EFCAB13: variants seen among roughly 807,000 people sequenced by gnomAD.
The protein encoded by EFCAB13 is EF-hand calcium-binding domain-containing protein 13.
EFCAB13 carries 91 observed loss-of-function variants against 110.2 expected under a neutral mutation model. The ratio of observed to expected loss-of-function variants is 0.83; its 90% CI spans 0.70 to 0.98. The LOEUF (loss-of-function observed/expected upper bound fraction) is 0.98. Among genes scored for constraint, EFCAB13 ranks in the 50% least tolerant of loss-of-function variants. The pLI is 0.00. For synonymous variants in EFCAB13, 323 were observed against 369.9 expected (o/e 0.87, Z 1.45); for missense variants, 968 against 1,119.4 (o/e 0.86, Z 1.93).
chr17:47,435,117 A>G (rs4338849), intron 24 of EFCAB13, among the ~76,000 whole-genome samples: 69,542 of 151,906 alleles, frequency 0.46, 16,265 homozygotes, highest in Non-Finnish European at 0.49. Flanking sequence ...ATGAGAGAAA[A>G]TATTCACAAA....
At chr17:47,335,399 T>C (rs1199214659) in intron 5 of EFCAB13, 43 bp downstream of exon 5, 1 of 1,521,458 alleles carries the variant, frequency 6.6e-7, no homozygotes. Context: ...ATTATACTTT[T>C]GCAAGTTAAG....
intron 13 of EFCAB13, among the ~76,000 whole-genome samples, chr17:47,378,681 C>A (rs1441618986): frequency 6.6e-6 from 1 of 152,032 alleles, no homozygotes; most frequent in East Asian, 1.9e-4. Flanking sequence ...GGGTTTATAT[C>A]TAAAAATAGG....
chr17:47,436,055 G>C (rs1372599794), intron 24 of EFCAB13, among the ~76,000 whole-genome samples: 3 of 152,092 alleles, frequency 2.0e-5, no homozygotes, highest in Non-Finnish European at 4.4e-5. Context: ...CTTTTAATCT[G>C]TTTATGTGGT....
chr17:47,348,070 G>C (rs566878506), intron 9 of EFCAB13, 119 bp downstream of exon 9: 15 of 803,078 alleles, frequency 1.9e-5, no homozygotes, highest in Middle Eastern at 4.2e-4. Flanking sequence ...CATCATTTTT[G>C]GTCATATTGT....
intron 14 of EFCAB13, among the ~76,000 whole-genome samples, chr17:47,386,473 T>C (rs2317675): frequency 0.088 from 13,353 of 152,170 alleles, 845 homozygotes; most frequent in East Asian, 0.35. Context: ...TAATGGCAGA[T>C]GCCCTTCCCC....
intron 2 of EFCAB13, among the ~76,000 whole-genome samples, chr17:47,325,929 T>C (rs1324273514): frequency 2.8e-5 from 1 of 35,764 alleles, no homozygotes; most frequent in African/African-American, 8.3e-5. Context: ...ACAAAATATA[T>C]ATATATATAT....
intron 24 of EFCAB13, among the ~76,000 whole-genome samples, chr17:47,436,334 C>T (rs1477284373): frequency 3.9e-5 from 6 of 151,974 alleles, no homozygotes; most frequent in Non-Finnish European, 7.4e-5. Context: ...TGTGGAATAG[C>T]GTCAAAAGGG....
chr17:47,415,997 C>A (rs183825987), intron 23 of EFCAB13, among the ~76,000 whole-genome samples: 9 of 152,188 alleles, frequency 5.9e-5, no homozygotes, highest in Admixed American at 4.6e-4. Flanking sequence ...GATGCAGATA[C>A]CCTTATCAAT....
intron 23 of EFCAB13, among the ~76,000 whole-genome samples, chr17:47,420,990 A>AG (rs1311828021): frequency 1.5e-5 from 2 of 137,736 alleles, no homozygotes; most frequent in Non-Finnish European, 3.1e-5. Context: ...GAGGGAGGTG[A>AG]GGGGGTCAGC....
chr17:47,332,479 T>C (rs900758988), intron 4 of EFCAB13, among the ~76,000 whole-genome samples: 14 of 152,110 alleles, frequency 9.2e-5, no homozygotes, highest in Admixed American at 7.9e-4. Flanking sequence ...ACCAATGCAT[T>C]AGATCACTAA....
At chr17:47,355,235 C>G (rs2065473672) in intron 9 of EFCAB13, among the ~76,000 whole-genome samples, 1 of 152,212 alleles carries the variant, frequency 6.6e-6, no homozygotes, top group African/African-American at 2.4e-5. Context: ...AGGGTTTCTG[C>G]TGAGAAATCT....
chr17:47,344,126 C>G, intron 6 of EFCAB13, 36 bp from the exon 7 acceptor site: 1 of 1,592,926 alleles, frequency 6.3e-7, no homozygotes. Flanking sequence ...CAGTGTCACT[C>G]ACCTCAGGCA....
Position 47,344,217 on chromosome 17 carries a change from CTT to C in EFCAB13, c.361_362del (p.Leu121MetfsTer31), listed in dbSNP as rs1793567411. On this transcript the variant is annotated frameshift_variant, in exon 7 of 25. Transcript: ENST00000331493. LOFTEE classifies it high-confidence loss of function. ...GAGAAGGTGACAAGGAAAGAAAACTCTTTATGCAAGTTGCCGAATCAGTACAG... is the reference window on the plus strand; with the variant it reads ...GAGAAGGTGACAAGGAAAGAAAACTCTATGCAAGTTGCCGAATCAGTACAG... The C allele has an allele frequency of 7.4e-6, 12 of 1,613,236 alleles. No homozygotes were observed. The highest frequency in any genetic ancestry group is 9.3e-6 in the Non-Finnish European group (11 of 1,179,408).
chr17:47,419,522 G>A (rs992795701), intron 23 of EFCAB13, among the ~76,000 whole-genome samples: 1 of 152,206 alleles, frequency 6.6e-6, no homozygotes, highest in African/African-American at 2.4e-5. Context: ...AGGCCACAGT[G>A]AGCTGTGATC....
At chr17:47,393,328 T>C (rs1249014883) in intron 15 of EFCAB13, among the ~76,000 whole-genome samples, 1 of 152,176 alleles carries the variant, frequency 6.6e-6, no homozygotes, top group Non-Finnish European at 1.5e-5. Flanking sequence ...TGTAGTATCT[T>C]GTAACATTTG....
rs570347183 is a variant in EFCAB13 at position 47,402,530 on chromosome 17, T to C, written c.2017+327T>C. Among the ~76,000 whole-genome samples, 17 of 152,308 alleles carry C rather than the reference T, an allele frequency of 1.1e-4. No individual in the cohort carries two copies. The South Asian group carries it at 3.1e-3, about 28-fold the overall frequency. ...ATCTACACATGTAATTTTAAGGGAA[T>C]ATGGTCAGTGTCTGACCTTGCAATT... is the stretch of plus-strand genomic sequence containing the variant. On this transcript the variant is annotated intron_variant, in intron 18 of 24. Coordinates refer to ENST00000331493, the MANE Select transcript of EFCAB13 (RefSeq NM_152347.5).
intron 11 of EFCAB13, among the ~76,000 whole-genome samples, chr17:47,371,031 C>T (rs567077448): frequency 4.1e-5 from 6 of 146,600 alleles, no homozygotes; most frequent in Admixed American, 6.8e-5. Context: ...TGAGCCACCG[C>T]GTCTGGCTCT....
intron 14 of EFCAB13, among the ~76,000 whole-genome samples, chr17:47,380,297 T>C (rs1186115149): frequency 6.6e-6 from 1 of 152,064 alleles, no homozygotes; most frequent in Non-Finnish European, 1.5e-5. Flanking sequence ...GTTCTCATTG[T>C]TCAACTCCCA....
intron 11 of EFCAB13, among the ~76,000 whole-genome samples, chr17:47,371,166 C>G (rs1263621725): frequency 6.6e-6 from 1 of 151,200 alleles, no homozygotes; most frequent in Non-Finnish European, 1.5e-5. Context: ...ATATTTTCTC[C>G]CATTCAAGAT....
Sources: allele counts gnomAD v4.1 joint callset (sites outside exome capture counted in the v4.1 genomes callset), GRCh38; gene constraint gnomAD v4.1.1; transcripts MANE v1.5; gene names NCBI Gene and HGNC (gene_info 2026-07-23, HGNC 2026-07-21).